TRIQK: variants seen among roughly 807,000 people sequenced by gnomAD.
TRIQK encodes triple QxxK/R motif containing, also known as triple QxxK/R motif-containing protein.
TRIQK carries 10 observed loss-of-function variants against 10.8 expected under a neutral mutation model. That is an observed-to-expected ratio of 0.92 (90% CI 0.57 to 1.57). The LOEUF (loss-of-function observed/expected upper bound fraction) is 1.57. Ranked by LOEUF, TRIQK falls within the 40% of genes most tolerant of loss-of-function variation. TRIQK has a pLI of 0.00. For missense variants in TRIQK, 107 were observed against 97.7 expected (o/e 1.09, Z -0.40); for synonymous variants, 33 against 33.7 (o/e 0.98, Z 0.07).
At chr8:92,998,924 A>G (rs1016682941) in intron 1 of TRIQK, among the ~76,000 whole-genome samples, 4 of 152,140 alleles carry the variant, frequency 2.6e-5, no homozygotes, top group Admixed American at 2.6e-4. Flanking sequence ...TTTGAAGACC[A>G]TTAGAAAATC....
At position 92,884,789 on chromosome 8, in the gene TRIQK, C is replaced by T; in HGVS notation, c.*1833G>A. ...TCTTTATTTAATACGACTGTTTTAA[C>T]ACCATATGGAACGGGAAATAACTAA... On this transcript the variant is annotated 3_prime_UTR_variant, in exon 5 of 5. Transcript: ENST00000521988. 1.1e-5 allele frequency: 5 copies of T among 453,102 alleles called. 1 individual carries two copies. The highest frequency in any genetic ancestry group is 1.3e-5 in the Non-Finnish European group (3 of 225,686). 28.1% of individuals were successfully genotyped at this position (453,102 alleles called of 1,614,324 possible).
intron 3 of TRIQK, among the ~76,000 whole-genome samples, chr8:92,892,684 T>A (rs924087186): frequency 3.9e-5 from 6 of 151,976 alleles, no homozygotes. Context: ...ATAGAATAGC[T>A]ACATTTAGAT....
chr8:92,992,703 T>C (rs975941224), intron 1 of TRIQK, among the ~76,000 whole-genome samples: 3 of 152,160 alleles, frequency 2.0e-5, no homozygotes, highest in East Asian at 1.9e-4. Flanking sequence ...TTGCTATTTA[T>C]TGCGAGACCA....
rs181358447 is a variant in TRIQK at position 92,992,617 on chromosome 8, C to T, written c.-181+24992G>A. Among the ~76,000 whole-genome samples, 145 of 152,246 alleles carry T rather than the reference C, an allele frequency of 9.5e-4. 1 individual carries two copies. The highest frequency in any genetic ancestry group is 3.3e-3 in the African/African-American group (139 of 41,546). Reference sequence around the variant, plus strand: ...AGAGGTGTAGGAATGCTGTTAAAGCCGCACCTCTGAGGCCAAGAAGCACAG... The same window carrying T: ...AGAGGTGTAGGAATGCTGTTAAAGCTGCACCTCTGAGGCCAAGAAGCACAG... On this transcript the variant is annotated intron_variant, in intron 1 of 4. Coordinates refer to the TRIQK transcript ENST00000520686.
chr8:92,932,414 G>A (rs530503546), intron 2 of TRIQK, among the ~76,000 whole-genome samples: 2 of 152,164 alleles, frequency 1.3e-5, no homozygotes, highest in South Asian at 4.1e-4. Flanking sequence ...GACCAATACA[G>A]TGTTCTCATT....
chr8:92,925,773 T>C (rs1196434705), intron 2 of TRIQK, among the ~76,000 whole-genome samples: 1 of 152,184 alleles, frequency 6.6e-6, no homozygotes, highest in Non-Finnish European at 1.5e-5. Context: ...AAATTTCTGG[T>C]ACAACTTCTT....
At chr8:92,969,984 C>T (rs1273623770), upstream of TRIQK, among the ~76,000 whole-genome samples, 2 of 152,094 alleles carry the variant, frequency 1.3e-5, no homozygotes, top group Non-Finnish European at 2.9e-5. Context: ...TGTTGTTCCC[C>T]TCCCTGTGTC....
intron 1 of TRIQK, among the ~76,000 whole-genome samples, chr8:93,010,578 A>G (rs1422432304): frequency 6.6e-6 from 1 of 152,162 alleles, no homozygotes; most frequent in Non-Finnish European, 1.5e-5. Context: ...CATCTTTTAA[A>G]AATGTAATTA....
chr8:92,985,838 G>A (rs1468637282), intron 1 of TRIQK, among the ~76,000 whole-genome samples: 3 of 152,096 alleles, frequency 2.0e-5, no homozygotes, highest in African/African-American at 7.2e-5. Flanking sequence ...TACAGGCCAG[G>A]AAGCTTGACT....
chr8:92,900,530 A>G (rs10095919), intron 3 of TRIQK, among the ~76,000 whole-genome samples: 100,962 of 151,950 alleles, frequency 0.66, 33,808 homozygotes, highest in Admixed American at 0.75. Context: ...TAGCACCTTT[A>G]TCAAAAATGA....
chr8:92,919,048 G>A (rs1810028333), intron 2 of TRIQK, among the ~76,000 whole-genome samples: 1 of 151,614 alleles, frequency 6.6e-6, no homozygotes, highest in Non-Finnish European at 1.5e-5. Context: ...TGTGGATTTA[G>A]TTCCGGGTTC....
At chr8:92,975,032 A>G (rs1812917158) in intron 1 of TRIQK, among the ~76,000 whole-genome samples, 1 of 152,196 alleles carries the variant, frequency 6.6e-6, no homozygotes, top group Admixed American at 6.5e-5. Flanking sequence ...TATTTCTGGC[A>G]GGCCTGGCTC....
At chr8:92,918,366 C>T (rs1027393269) in intron 2 of TRIQK, among the ~76,000 whole-genome samples, 1 of 151,848 alleles carries the variant, frequency 6.6e-6, no homozygotes, top group African/African-American at 2.4e-5. Context: ...CCTTTTTTCT[C>T]CACATCCCCA....
At chr8:92,937,608 G>A (rs186013701) in intron 2 of TRIQK, among the ~76,000 whole-genome samples, 1 of 149,164 alleles carries the variant, frequency 6.7e-6, no homozygotes, top group East Asian at 2.0e-4. Flanking sequence ...TTGCTTCTTT[G>A]GGATTAATTG....
chr8:92,944,086 T>C (rs750683401), intron 2 of TRIQK, among the ~76,000 whole-genome samples: 1 of 152,076 alleles, frequency 6.6e-6, no homozygotes, highest in Non-Finnish European at 1.5e-5. Flanking sequence ...AAGGAAGACA[T>C]ACAAATGGCC....
At chr8:92,912,214 T>G (rs1027903519) in intron 3 of TRIQK, among the ~76,000 whole-genome samples, 9 of 151,686 alleles carry the variant, frequency 5.9e-5, no homozygotes, top group Admixed American at 5.9e-4. Context: ...AGACTGAAAT[T>G]ACTCCAAGTA....
intron 1 of TRIQK, among the ~76,000 whole-genome samples, chr8:92,989,596 C>G (rs1318001798): frequency 6.6e-6 from 1 of 152,190 alleles, no homozygotes; most frequent in Non-Finnish European, 1.5e-5. Flanking sequence ...CCAGATGGGA[C>G]CAACTAGTTG....
intron 1 of TRIQK, among the ~76,000 whole-genome samples, chr8:92,981,304 T>C (rs945538989): frequency 5.9e-5 from 9 of 151,894 alleles, no homozygotes; most frequent in African/African-American, 2.2e-4. Flanking sequence ...CTCATTTCTT[T>C]TGATCTCTCT....
chr8:92,912,290 A>C (rs1224434663), intron 3 of TRIQK, among the ~76,000 whole-genome samples: 1 of 151,868 alleles, frequency 6.6e-6, no homozygotes, highest in Non-Finnish European at 1.5e-5. Context: ...AAATTCACGA[A>C]TACATGAAAA....
Sources: gnomAD v4.1 joint callset for allele counts (sites outside exome capture counted in the v4.1 genomes callset) on GRCh38, gnomAD v4.1.1 for gene constraint, MANE v1.5 for transcripts, NCBI Gene and HGNC (gene_info 2026-07-23, HGNC 2026-07-21) for gene names.